ASCC3: variants seen among roughly 807,000 people sequenced by gnomAD.
ASCC3 encodes activating signal cointegrator 1 complex subunit 3, also known as ASC-1 complex subunit P200.
ASCC3 carries 158 observed loss-of-function variants against 256.3 expected under a neutral mutation model. The observed-to-expected ratio is 0.62, with a 90% confidence interval of 0.54 to 0.70. The LOEUF (loss-of-function observed/expected upper bound fraction) is 0.70. Among genes scored for constraint, ASCC3 ranks in the 30% least tolerant of loss-of-function variants. ASCC3 has a pLI of 0.00. For missense variants in ASCC3, 2,259 were observed against 2,626.0 expected, an observed-to-expected ratio of 0.86 and a Z score of 3.05; for synonymous variants, 948 against 883.4, an observed-to-expected ratio of 1.07 and a Z score of -1.30.
At chr6:100,742,132 A>G (rs1780464999) in intron 10 of ASCC3, among the ~76,000 whole-genome samples, 1 of 152,012 alleles carries the variant, frequency 6.6e-6, no homozygotes, top group African/African-American at 2.4e-5. Flanking sequence ...GACTGCTGTG[A>G]TTTGCTGGAG....
chr6:100,689,761 C>G (rs1777752492), intron 13 of ASCC3, among the ~76,000 whole-genome samples: 1 of 152,070 alleles, frequency 6.6e-6, no homozygotes, highest in South Asian at 2.1e-4. Flanking sequence ...AAATAATTTT[C>G]ATGGATAGTT....
intron 3 of ASCC3, among the ~76,000 whole-genome samples, chr6:100,860,108 A>T (rs1773149672): frequency 6.6e-6 from 1 of 152,044 alleles, no homozygotes; most frequent in Non-Finnish European, 1.5e-5. Flanking sequence ...TAACAGATAT[A>T]TGCCTAATAC....
chr6:100,639,830 T>A (rs571426059), intron 24 of ASCC3, among the ~76,000 whole-genome samples: 17 of 152,132 alleles, frequency 1.1e-4, no homozygotes, highest in Admixed American at 3.3e-4. Context: ...CACTGAAAAT[T>A]GAGGCCGGGA....
intron 10 of ASCC3, among the ~76,000 whole-genome samples, chr6:100,739,292 G>A (rs1390036235): frequency 6.6e-6 from 1 of 152,134 alleles, no homozygotes; most frequent in Admixed American, 6.6e-5. Flanking sequence ...TATGAAGCCA[G>A]CTTGATCATA....
chr6:100,606,241 T>A (rs1173685900), intron 32 of ASCC3, among the ~76,000 whole-genome samples: 1 of 152,092 alleles, frequency 6.6e-6, no homozygotes, highest in Admixed American at 6.6e-5. Flanking sequence ...GAAATATACA[T>A]TGAGTGTATT....
At chr6:100,840,551 T>A (rs1772095701) in intron 4 of ASCC3, among the ~76,000 whole-genome samples, 1 of 146,868 alleles carries the variant, frequency 6.8e-6, no homozygotes. Context: ...AGCGTAAGAG[T>A]CTTTATTGCA....
intron 30 of ASCC3, among the ~76,000 whole-genome samples, chr6:100,618,701 A>T (rs1444697937): frequency 1.3e-5 from 2 of 152,182 alleles, no homozygotes; most frequent in African/African-American, 4.8e-5. Flanking sequence ...CTGAAACCAG[A>T]CAGTTATCTG....
chr6:100,811,614 A>G lies in ASCC3; in HGVS notation c.802-5734T>C, dbSNP rs143171307. Among the ~76,000 whole-genome samples, 128 of 152,118 alleles carry G rather than the reference A, an allele frequency of 8.4e-4. 2 individuals are homozygous for G. The East Asian group carries it at 0.024, about 28-fold the overall frequency. ...TTGTCTTTAACAAGAGAAAGAAAAA[A>G]CCTCGATATAAAAAAAAACCTTAAA... On this transcript the variant is annotated intron_variant, in intron 4 of 41. Coordinates refer to ENST00000369162, the MANE Select transcript of ASCC3 (RefSeq NM_006828.4).
chr6:100,855,282 TG>T (rs1383225344), intron 3 of ASCC3, among the ~76,000 whole-genome samples: 1 of 151,928 alleles, frequency 6.6e-6, no homozygotes, highest in African/African-American at 2.4e-5. Flanking sequence ...CCTGGCTAAT[TG>T]TTTTTGTATT....
At chr6:100,748,523 GA>G (rs1215802326) in intron 10 of ASCC3, among the ~76,000 whole-genome samples, 2 of 151,950 alleles carry the variant, frequency 1.3e-5, no homozygotes, top group African/African-American at 4.8e-5. Flanking sequence ...AGGTAAATTG[GA>G]AAGACTAGAG....
At chr6:100,787,894 G>A (rs1310035806) in intron 8 of ASCC3, among the ~76,000 whole-genome samples, 2 of 150,798 alleles carry the variant, frequency 1.3e-5, no homozygotes, top group East Asian at 1.9e-4. Context: ...AGAAAATTAC[G>A]AAGAAAATCT....
At chr6:100,522,819 C>CT (rs1225307516) in intron 37 of ASCC3, among the ~76,000 whole-genome samples, 1 of 150,814 alleles carries the variant, frequency 6.6e-6, no homozygotes, top group Non-Finnish European at 1.5e-5. Context: ...AGAAAACTGC[C>CT]TAAGGTTGCA....
chr6:100,527,815 T>C (rs550342579), intron 37 of ASCC3, among the ~76,000 whole-genome samples: 5 of 152,138 alleles, frequency 3.3e-5, no homozygotes, highest in South Asian at 4.2e-4. Flanking sequence ...TCCATAGATA[T>C]ACACACACAT....
Position 100,817,019 on chromosome 6 carries a change from C to G in ASCC3, c.802-11139G>C, listed in dbSNP as rs567986865. On this transcript the variant is annotated intron_variant, in intron 4 of 41. Coordinates refer to ENST00000369162, the MANE Select transcript of ASCC3 (RefSeq NM_006828.4). ...AGACATCTATAGAACACCTATCCATCAAAAGCAGAACATACATTCTTCTCT... is the reference window on the plus strand; with the variant it reads ...AGACATCTATAGAACACCTATCCATGAAAAGCAGAACATACATTCTTCTCT... Among the ~76,000 whole-genome samples, 8 of 152,060 alleles carry G rather than the reference C, an allele frequency of 5.3e-5. No individual in the cohort carries two copies. The South Asian group carries it at 1.7e-3, about 32-fold the overall frequency.
intron 11 of ASCC3, 64 bp from the exon 12 acceptor site, chr6:100,718,315 T>C: frequency 7.2e-7 from 1 of 1,389,228 alleles, no homozygotes. Flanking sequence ...AACATTATAA[T>C]TTGTCCTATT....
chr6:100,555,292 T>C (rs1482775483), intron 36 of ASCC3, among the ~76,000 whole-genome samples: 4 of 152,196 alleles, frequency 2.6e-5, no homozygotes, highest in South Asian at 2.1e-4. Flanking sequence ...ATGTCTATCA[T>C]TGTAATTCTT....
intron 36 of ASCC3, among the ~76,000 whole-genome samples, chr6:100,557,368 C>T (rs1456769171): frequency 2.0e-5 from 3 of 152,000 alleles, no homozygotes; most frequent in Non-Finnish European, 2.9e-5. Flanking sequence ...TTTCTAATTT[C>T]TGTTGTGATT....
At chr6:100,592,922 AATC>A (rs1218533203) in intron 34 of ASCC3, among the ~76,000 whole-genome samples, 17 of 152,102 alleles carry the variant, frequency 1.1e-4, no homozygotes, top group Non-Finnish European at 1.6e-4. Flanking sequence ...CACTGCATTG[AATC>A]ATCAAGTCAT....
At chr6:100,835,618 C>T (rs1010023870) in intron 4 of ASCC3, among the ~76,000 whole-genome samples, 3 of 152,092 alleles carry the variant, frequency 2.0e-5, no homozygotes, top group African/African-American at 7.2e-5. Flanking sequence ...CTATTCTGTT[C>T]TATTGGTCTC....
Sources: allele counts gnomAD v4.1 joint callset (sites outside exome capture counted in the v4.1 genomes callset), GRCh38; gene constraint gnomAD v4.1.1; transcripts MANE v1.5; gene names NCBI Gene and HGNC (gene_info 2026-07-23, HGNC 2026-07-21).